BTRC: variants seen among roughly 807,000 people sequenced by gnomAD.
BTRC encodes the protein beta-transducin repeat containing E3 ubiquitin protein ligase, also known as F-box/WD repeat-containing protein 1A.
A neutral mutation model predicts 85.5 loss-of-function variants in BTRC; 42 were observed. The ratio of observed to expected loss-of-function variants is 0.49; its 90% confidence interval spans 0.38 to 0.64. The LOEUF is 0.64. BTRC is among the 30% of genes least tolerant of loss of function. The probability of loss-of-function intolerance (pLI) is 0.00; values close to 1 mark genes in which losing one functional copy is unlikely to be tolerated. For missense variants in BTRC, 594 were observed against 743.5 expected (o/e 0.80, Z 2.34); for synonymous variants, 255 against 263.3 (o/e 0.97, Z 0.30).
chr10:101,529,736 T>G (rs935499350), intron 6 of BTRC, among the ~76,000 whole-genome samples: 1 of 152,142 alleles, frequency 6.6e-6, no homozygotes, highest in African/African-American at 2.4e-5. Flanking sequence ...GATAGGAAAT[T>G]TTCTCAACTA....
At chr10:101,447,526 T>C (rs1248103706) in intron 2 of BTRC, among the ~76,000 whole-genome samples, 1 of 152,226 alleles carries the variant, frequency 6.6e-6, no homozygotes, top group Non-Finnish European at 1.5e-5. Context: ...TCACTAATTC[T>C]GTACTGTAAG....
At chr10:101,462,919 G>A (rs1271146917) in intron 3 of BTRC, among the ~76,000 whole-genome samples, 1 of 151,982 alleles carries the variant, frequency 6.6e-6, no homozygotes, top group East Asian at 1.9e-4. Context: ...CCAGGCTGGA[G>A]TGCAGTGGCG....
chr10:101,488,276 T>C (rs2134250264), intron 4 of BTRC, among the ~76,000 whole-genome samples: 1 of 152,346 alleles, frequency 6.6e-6, no homozygotes, highest in South Asian at 2.1e-4. Flanking sequence ...ATTTAAATTA[T>C]ATTCCTTTCC....
chr10:101,360,308 G>A lies in BTRC; in HGVS notation c.48+6080G>A, dbSNP rs529253604. On this transcript the variant is annotated intron_variant, in intron 1 of 14. Transcript: ENST00000370187. Reference sequence around the variant, plus strand: ...GACTTCAAGTGATCCGCCCACCTTGGCCTCCCAAAGTGCTGGGATTACAGG... The same window carrying A: ...GACTTCAAGTGATCCGCCCACCTTGACCTCCCAAAGTGCTGGGATTACAGG... Among the ~76,000 whole-genome samples, 6 of 151,682 alleles carry A rather than the reference G, an allele frequency of 4.0e-5. No homozygotes were observed. The South Asian group carries it at 1.3e-3, about 32-fold the overall frequency.
At chr10:101,453,749 G>T (rs1177335194) in intron 2 of BTRC, among the ~76,000 whole-genome samples, 1 of 152,190 alleles carries the variant, frequency 6.6e-6, no homozygotes, top group Non-Finnish European at 1.5e-5. Context: ...GCTGTGTGCT[G>T]CCATCAAAAC....
chr10:101,497,236 A>G (rs1246818232), intron 4 of BTRC, among the ~76,000 whole-genome samples: 4 of 152,094 alleles, frequency 2.6e-5, no homozygotes, highest in Non-Finnish European at 5.9e-5. Context: ...TTGAACTCTG[A>G]TAGTAAGTGC....
chr10:101,470,329 CTTTTTTTTTTT>C (rs950644281), intron 3 of BTRC, among the ~76,000 whole-genome samples: 31 of 94,936 alleles, frequency 3.3e-4, no homozygotes, highest in African/African-American at 1.4e-3. Flanking sequence ...ATTTTTCTTT[CTTTTTTTTTTT>C]TTTTTTTTTT....
At chr10:101,544,407 G>GTT (rs35751151) in intron 13 of BTRC, among the ~76,000 whole-genome samples, 12 of 135,372 alleles carry the variant, frequency 8.9e-5, no homozygotes, top group African/African-American at 2.2e-4. Context: ...ACTTGGGAAA[G>GTT]TTTTTTTTTT....
intron 6 of BTRC, among the ~76,000 whole-genome samples, chr10:101,529,188 A>G (rs955391172): frequency 2.0e-5 from 3 of 152,242 alleles, no homozygotes; most frequent in African/African-American, 7.2e-5. Context: ...ATCTTCCATC[A>G]TAAAAGGTTT....
chr10:101,426,377 T>C (rs1944252333), intron 1 of BTRC, among the ~76,000 whole-genome samples: 2 of 152,208 alleles, frequency 1.3e-5, no homozygotes, highest in South Asian at 4.1e-4. Flanking sequence ...ATACCAATTG[T>C]CTTGTAATAA....
chr10:101,495,337 A>G (rs1237972846), intron 4 of BTRC, among the ~76,000 whole-genome samples: 1 of 152,206 alleles, frequency 6.6e-6, no homozygotes, highest in Non-Finnish European at 1.5e-5. Context: ...CTAAGTAGAT[A>G]TTTCTCTCCT....
chr10:101,551,263 A>G (rs541721076), intron 14 of BTRC: 1 of 162,086 alleles, frequency 6.2e-6, no homozygotes, highest in South Asian at 2.0e-4. Flanking sequence ...CCTACAATAG[A>G]GACCTTTCAA....
At chr10:101,499,249 CT>C (rs990945008) in intron 4 of BTRC, among the ~76,000 whole-genome samples, 1 of 151,378 alleles carries the variant, frequency 6.6e-6, no homozygotes, top group Non-Finnish European at 1.5e-5. Context: ...GCAGTACTAC[CT>C]TTTTTTTGAG....
chr10:101,460,534 A>C (rs1183358689), intron 2 of BTRC, among the ~76,000 whole-genome samples: 1 of 152,218 alleles, frequency 6.6e-6, no homozygotes, highest in East Asian at 1.9e-4. Context: ...TCACAAATGT[A>C]AAATATCAAG....
At chr10:101,414,993 T>C (rs762745871) in intron 1 of BTRC, among the ~76,000 whole-genome samples, 73 of 151,834 alleles carry the variant, frequency 4.8e-4, no homozygotes, top group Non-Finnish European at 9.4e-4. Context: ...TTAATAAATT[T>C]AGTCTAGCCT....
intron 4 of BTRC, among the ~76,000 whole-genome samples, chr10:101,492,369 A>G (rs1946155267): frequency 6.6e-6 from 1 of 152,230 alleles, no homozygotes. Context: ...GTAATGGAAT[A>G]TCATGGCAGG....
intron 3 of BTRC, among the ~76,000 whole-genome samples, chr10:101,468,099 T>G (rs981244912): frequency 1.3e-5 from 2 of 152,178 alleles, no homozygotes; most frequent in Admixed American, 1.3e-4. Context: ...AGGAGCAATT[T>G]AATAACCGGC....
intron 4 of BTRC, among the ~76,000 whole-genome samples, chr10:101,490,150 T>TTTTC (rs1946092203): frequency 6.6e-6 from 1 of 151,992 alleles, no homozygotes; most frequent in South Asian, 2.1e-4. Flanking sequence ...AAAAAGTCCA[T>TTTTC]TTTCTTTTCA....
Position 101,431,331 on chromosome 10 carries a change from CT to C in BTRC, c.156+881del, listed in dbSNP as rs1449122457. ...ACCTCAGGTAATCCACCCATCTCGGCTTCCCAAAGTGCTGGAATTACAGGCA... is the reference window on the plus strand; with the variant it reads ...ACCTCAGGTAATCCACCCATCTCGGCTCCCAAAGTGCTGGAATTACAGGCA... On this transcript the variant is annotated intron_variant, in intron 2 of 14. Transcript: ENST00000370187. Among the ~76,000 whole-genome samples, 12 of 152,054 alleles carry C rather than the reference CT, an allele frequency of 7.9e-5. No homozygotes were observed. The East Asian group carries it at 2.3e-3, about 29-fold the overall frequency.
Sources: allele counts gnomAD v4.1 joint callset (sites outside exome capture counted in the v4.1 genomes callset), GRCh38; gene constraint gnomAD v4.1.1; transcripts MANE v1.5; gene names NCBI Gene and HGNC (gene_info 2026-07-23, HGNC 2026-07-21).